The following CCDC40 variants were observed in gnomAD, a reference collection of about 807,000 sequenced individuals.
CCDC40 encodes coiled-coil domain-containing protein 40.
Under a neutral mutation model 124.5 loss-of-function variants are expected in CCDC40, and 104 were observed. That is an observed-to-expected ratio of 0.84 (90% confidence interval 0.71 to 0.98). The LOEUF is 0.98. Among genes scored for constraint, CCDC40 ranks in the 50% least tolerant of loss-of-function variants. CCDC40 has a pLI of 0.00. For synonymous variants in CCDC40, 580 were observed against 602.9 expected (o/e 0.96, Z 0.56); for missense variants, 1,463 against 1,503.9 (o/e 0.97, Z 0.45).
intron 10 of CCDC40, among the ~76,000 whole-genome samples, chr17:80,074,504 G>A (rs2038266216): frequency 6.6e-6 from 1 of 152,162 alleles, no homozygotes; most frequent in African/African-American, 2.4e-5. Flanking sequence ...AATGCACCTG[G>A]TGGGCATGCT....
Position 80,049,936 on chromosome 17 carries a change from A to C in CCDC40, c.886A>C (p.Lys296Gln). Residue 296 changes from lysine to glutamine, a missense_variant, in exon 6 of 20, where the codon AAG (lysine) becomes CAG (glutamine). Physicochemically the swap from Lys to Gln is moderately conservative, Grantham distance 53 (BLOSUM62 1). Coordinates refer to ENST00000397545, the MANE Select transcript of CCDC40 (RefSeq NM_017950.4). ...PLMVRFQAAL[K>Q]NYLNRQIEKL... is the part of the protein sequence containing the mutation. Reference sequence around the variant, plus strand: ...GATGGTAAGATTCCAGGCTGCCCTGAAGAACTACCTGAACCGACAGATCGA... The same window carrying C: ...GATGGTAAGATTCCAGGCTGCCCTGCAGAACTACCTGAACCGACAGATCGA... 6.2e-7 allele frequency: 1 copy of C among 1,614,100 alleles called. No homozygotes were observed. Among genetic ancestry groups the C allele is most frequent in the South Asian group, 1.1e-5 (1 of 91,064 alleles).
At chr17:80,071,308 C>T (rs964512212) in intron 10 of CCDC40, among the ~76,000 whole-genome samples, 1 of 152,202 alleles carries the variant, frequency 6.6e-6, no homozygotes. Context: ...CCCTTTACCC[C>T]AAGATGTGAC....
chr17:80,058,591 A>C lies in CCDC40; in HGVS notation c.1257A>C (p.Thr419=), dbSNP rs1158295309. 3 of 1,614,244 alleles carry C rather than the reference A, an allele frequency of 1.9e-6. No individual in the cohort carries two copies. In the South Asian group the frequency reaches 3.3e-5, roughly 18 times the overall value. Residue 419 remains threonine, a synonymous_variant, in exon 8 of 20, where the codon ACA becomes ACC. Coordinates refer to ENST00000397545, the MANE Select transcript of CCDC40 (RefSeq NM_017950.4). This position sits in a 1 kb window ranked among gnomAD's most constrained non-coding sequence, Gnocchi z 4.2. ...TGCGTGACGACATCCGCGTGATGAC[A>C]CAAGTGGTAAAGAAGGCCGAGACGG... is the stretch of plus-strand genomic sequence containing the variant. ...QDMRDDIRVM[T]QVVKKAETER...
At position 80,099,690 on chromosome 17, in the gene CCDC40, G is replaced by C; in HGVS notation, c.3344G>C (p.Arg1115Pro). Residue 1115 changes from arginine to proline, a missense_variant, in exon 20 of 20, where the codon CGG (arginine) becomes CCG (proline). Physicochemically the swap from Arg to Pro is moderately radical, Grantham distance 103. Coordinates refer to ENST00000397545, the MANE Select transcript of CCDC40 (RefSeq NM_017950.4). ...ATCGCCACCATCCTGGACCGCGTGCGGGACGAGTACCCCCAGTTCCAGGAG... is the reference window on the plus strand; with the variant it reads ...ATCGCCACCATCCTGGACCGCGTGCCGGACGAGTACCCCCAGTTCCAGGAG... ...ALIATILDRV[R>P]DEYPQFQEAL... 1 of 1,613,862 alleles carries C rather than the reference G, an allele frequency of 6.2e-7. No homozygotes were observed.
intron 10 of CCDC40, among the ~76,000 whole-genome samples, chr17:80,071,693 T>C (rs2038191212): frequency 6.6e-6 from 1 of 152,112 alleles, no homozygotes; most frequent in Non-Finnish European, 1.5e-5. Flanking sequence ...CCACACTTTA[T>C]TATCAAACAG....
At position 80,099,495 on chromosome 17, in the gene CCDC40, T is replaced by C. The variant is rs147702876; in HGVS notation, c.3181-32T>C. On this transcript the variant is annotated intron_variant, in intron 19 of 19. Transcript: ENST00000397545. ...GCAGGTGTCTTTCTTCTGGTTTGCA[T>C]AGCCCTATATGGAGTCTCTTTTCCT... 9,509 of 1,600,984 alleles carry C rather than the reference T, an allele frequency of 5.9e-3. 145 individuals are homozygous for C. Among genetic ancestry groups the C allele is most frequent in the Admixed American group, 0.043 (2,581 of 60,018 alleles).
chr17:80,064,865 C>A (rs1393373285), intron 9 of CCDC40, among the ~76,000 whole-genome samples: 2 of 152,014 alleles, frequency 1.3e-5, no homozygotes, highest in Admixed American at 1.3e-4. Flanking sequence ...CAGCCCTGGC[C>A]ATTCTTGAGA....
At chr17:80,065,101 TC>T (rs369041098) in intron 9 of CCDC40, among the ~76,000 whole-genome samples, 2,442 of 38,704 alleles carry the variant, frequency 0.063, 186 homozygotes, top group African/African-American at 0.11. Context: ...CCCCTCCCTC[TC>T]CCCCTCCTCC....
rs1485851817 is a variant in CCDC40 at position 80,044,704 on chromosome 17, A to ATGTGT, written c.553-2575_553-2574insTGTGT. 1.6e-3 allele frequency among the ~76,000 whole-genome samples: 61 copies of ATGTGT among 37,192 alleles called. 1 individual carries two copies. Among genetic ancestry groups the ATGTGT allele is most frequent in the African/African-American group, 4.6e-3 (58 of 12,610 alleles). The allele number at this position is 37,192 out of a possible 152,430, so 24.4% of individuals were successfully genotyped here. ...TCTCAAAAACAAAACAAAACAAACA[A>ATGTGT]ACAAAAAAAAAAATATATATATATA... On this transcript the variant is annotated intron_variant, in intron 3 of 19. Coordinates refer to ENST00000397545, the MANE Select transcript of CCDC40 (RefSeq NM_017950.4).
At chr17:80,090,367 C>A in intron 17 of CCDC40, 4 of 1,067,052 alleles carry the variant, frequency 3.7e-6, no homozygotes, top group Non-Finnish European at 5.3e-6. Flanking sequence ...CAGGCACGTG[C>A]ACGAACACAG....
At chr17:80,056,417 C>T (rs757891966) in intron 7 of CCDC40, among the ~76,000 whole-genome samples, 1 of 151,380 alleles carries the variant, frequency 6.6e-6, no homozygotes, top group Non-Finnish European at 1.5e-5. Context: ...CTCAGGAGTT[C>T]AAGACCAGCC....
intron 10 of CCDC40, among the ~76,000 whole-genome samples, chr17:80,071,332 C>T (rs552134418): frequency 7.2e-5 from 11 of 152,206 alleles, no homozygotes; most frequent in Non-Finnish European, 8.8e-5. Flanking sequence ...GTCAGCCACA[C>T]GGCCTCACAG....
intron 3 of CCDC40, among the ~76,000 whole-genome samples, chr17:80,044,716 A>AATATATATATATATATATATATATAT (rs10582928): frequency 7.6e-5 from 10 of 131,684 alleles, no homozygotes; most frequent in South Asian, 4.7e-4. Context: ...CAAAAAAAAA[A>AATATATATATATATATATATATATAT]ATATATATAT....
chr17:80,065,101 T>G (rs1390148152), intron 9 of CCDC40, among the ~76,000 whole-genome samples: 1 of 38,720 alleles, frequency 2.6e-5, no homozygotes, highest in Admixed American at 3.7e-4. Flanking sequence ...CCCCTCCCTC[T>G]CCCCCTCCTC....
intron 4 of CCDC40, among the ~76,000 whole-genome samples, chr17:80,047,672 T>C (rs1297839258): frequency 6.6e-6 from 1 of 152,220 alleles, no homozygotes; most frequent in Non-Finnish European, 1.5e-5. Context: ...CTGGTCCGAT[T>C]AAGTGACAGA....
chr17:80,055,616 T>C (rs1236134837), intron 7 of CCDC40, among the ~76,000 whole-genome samples: 5 of 152,088 alleles, frequency 3.3e-5, no homozygotes, highest in Admixed American at 6.5e-5. Flanking sequence ...AATAAAACCA[T>C]TGCAATTCCC....
At chr17:80,083,342 G>T (rs2143740247) in intron 12 of CCDC40, among the ~76,000 whole-genome samples, 1 of 152,316 alleles carries the variant, frequency 6.6e-6, no homozygotes, top group East Asian at 1.9e-4. Flanking sequence ...AGGTGGGCAG[G>T]GTCTGGGTTC....
rs536860105 is a variant in CCDC40 at position 80,094,428 on chromosome 17, A to G, written c.2833-835A>G. The stretch of plus-strand genomic sequence containing the variant: ...CTGTGTCTCAAAAAATTTTTTTTAT[A>G]AAAAGGCTGGGTGCAGTGGCTTATG... On this transcript the variant is annotated intron_variant, in intron 17 of 19. Transcript: ENST00000397545. Among the ~76,000 whole-genome samples, 3 of 150,116 alleles carry G rather than the reference A, an allele frequency of 2.0e-5. No homozygotes were observed. The South Asian group carries it at 6.4e-4, about 32-fold the overall frequency.
chr17:80,072,089 C>G (rs756149674), intron 10 of CCDC40, among the ~76,000 whole-genome samples: 11 of 152,108 alleles, frequency 7.2e-5, no homozygotes, highest in Non-Finnish European at 1.0e-4. Flanking sequence ...TCTGCCCCCA[C>G]TTGGCCTCTG....
Sources: gnomAD v4.1 joint callset for allele counts (sites outside exome capture counted in the v4.1 genomes callset) on GRCh38, gnomAD v4.1.1 for gene constraint, Gnocchi (gnomAD v3.1) non-coding constraint, MANE v1.5 for transcripts, NCBI Gene and HGNC (gene_info 2026-07-23, HGNC 2026-07-21) for gene names.